Variants in PTPRT observed in about 807,000 individuals in gnomAD.
The protein encoded by PTPRT is receptor-type tyrosine-protein phosphatase T.
A neutral mutation model predicts 176.8 loss-of-function variants in PTPRT; 56 were observed. That is an observed-to-expected ratio of 0.32 (90% CI 0.26 to 0.40). The LOEUF (loss-of-function observed/expected upper bound fraction) is 0.40, where lower values mean the gene tolerates loss of function less well. Among genes scored for constraint, PTPRT ranks in the 10% least tolerant of loss-of-function variants. The probability of loss-of-function intolerance (pLI) is 1.00; values close to 1 mark genes in which losing one functional copy is unlikely to be tolerated. For missense variants in PTPRT, 1,540 were observed against 1,908.2 expected (o/e 0.81, Z 3.60); for synonymous variants, 783 against 739.0 (o/e 1.06, Z -0.96).
chr20:43,174,945 A>G (rs1460746913), intron 1 of PTPRT, among the ~76,000 whole-genome samples: 1 of 152,262 alleles, frequency 6.6e-6, no homozygotes. Flanking sequence ...TCAGAGGCCT[A>G]GAAGTTTAGT....
chr20:42,439,601 T>C (rs2059293914), intron 9 of PTPRT, among the ~76,000 whole-genome samples: 1 of 152,162 alleles, frequency 6.6e-6, no homozygotes, highest in African/African-American at 2.4e-5. Flanking sequence ...AGAGTGAAGA[T>C]AGGTTAAGCC....
At chr20:42,564,061 T>C (rs1382906837) in intron 7 of PTPRT, among the ~76,000 whole-genome samples, 4 of 152,170 alleles carry the variant, frequency 2.6e-5, no homozygotes, top group South Asian at 2.1e-4. Flanking sequence ...GTGGGGTGTT[T>C]ACAGGGCCAG....
At chr20:42,823,537 T>C (rs368088487) in intron 2 of PTPRT, among the ~76,000 whole-genome samples, 2 of 151,744 alleles carry the variant, frequency 1.3e-5, no homozygotes, top group African/African-American at 4.8e-5. Flanking sequence ...AATGTAAAAA[T>C]GAAATTAAAA....
At chr20:43,124,979 A>G (rs2013387443) in intron 1 of PTPRT, among the ~76,000 whole-genome samples, 1 of 151,774 alleles carries the variant, frequency 6.6e-6, no homozygotes, top group South Asian at 2.1e-4. Flanking sequence ...AAACTTAGAA[A>G]CTAAGTTAGA....
chr20:43,156,802 A>G (rs1210350813), intron 1 of PTPRT, among the ~76,000 whole-genome samples: 1 of 152,160 alleles, frequency 6.6e-6, no homozygotes, highest in Non-Finnish European at 1.5e-5. Flanking sequence ...AGTGTCTGAG[A>G]TCATTGAGAG....
intron 1 of PTPRT, among the ~76,000 whole-genome samples, chr20:43,059,852 G>A (rs371707028): frequency 5.9e-5 from 9 of 152,028 alleles, no homozygotes; most frequent in East Asian, 3.9e-4. Flanking sequence ...GGTGGTACAC[G>A]TCTATAATCC....
At chr20:43,023,475 A>G (rs964724789) in intron 1 of PTPRT, among the ~76,000 whole-genome samples, 1 of 152,210 alleles carries the variant, frequency 6.6e-6, no homozygotes, top group Non-Finnish European at 1.5e-5. Flanking sequence ...CCATGCTGCC[A>G]AGATTTCCTG....
At chr20:42,155,640 T>A (rs531849940) in intron 17 of PTPRT, among the ~76,000 whole-genome samples, 2 of 152,332 alleles carry the variant, frequency 1.3e-5, no homozygotes, top group South Asian at 4.1e-4. Context: ...CAATTCAAGA[T>A]AGTTCATACA....
chr20:43,189,712 C>T lies in PTPRT; in HGVS notation c.22G>A (p.Ala8Thr). Residue 8 changes from alanine to threonine, a missense_variant, in exon 1 of 31, where the codon GCC (alanine) becomes ACC (threonine). Transcript: ENST00000373187. The surrounding 1 kb of genome is among the most constrained non-coding windows in gnomAD (Gnocchi z 5.0). MASLAAL[A>T]LSLLLRLQLP... Reference sequence around the variant, plus strand: ...TGCAGCCTCAGGAGCAGGCTGAGGGCGAGCGCGGCGAGGCTCGCCATCCGG... The same window carrying T: ...TGCAGCCTCAGGAGCAGGCTGAGGGTGAGCGCGGCGAGGCTCGCCATCCGG... The T allele has an allele frequency of 7.9e-7, 1 of 1,269,354 alleles. No individual in the cohort carries two copies. The highest frequency in any genetic ancestry group is 2.6e-5 in the South Asian group (1 of 39,060). 78.6% of individuals were successfully genotyped at this position (1,269,354 alleles called of 1,614,324 possible).
chr20:42,264,677 C>A (rs187762746), intron 13 of PTPRT, among the ~76,000 whole-genome samples: 2 of 152,330 alleles, frequency 1.3e-5, no homozygotes, highest in Admixed American at 1.3e-4. Flanking sequence ...TCAGGGATGT[C>A]CACATCCTTT....
At chr20:42,113,248 C>T (rs117015554) in intron 22 of PTPRT, among the ~76,000 whole-genome samples, 524 of 152,300 alleles carry the variant, frequency 3.4e-3, no homozygotes, top group Middle Eastern at 6.8e-3. Flanking sequence ...AAATGTAACA[C>T]GAGAAAGGAC....
chr20:43,140,170 C>T (rs2013957939), intron 1 of PTPRT, among the ~76,000 whole-genome samples: 1 of 151,942 alleles, frequency 6.6e-6, no homozygotes, highest in Admixed American at 6.6e-5. Context: ...AACTGATAAA[C>T]CAGAAGACAA....
chr20:43,131,905 AG>A (rs1175458436), intron 1 of PTPRT, among the ~76,000 whole-genome samples: 1 of 152,206 alleles, frequency 6.6e-6, no homozygotes, highest in African/African-American at 2.4e-5. Flanking sequence ...TAAACTTAAT[AG>A]ATACCAAAAA....
intron 13 of PTPRT, among the ~76,000 whole-genome samples, chr20:42,269,753 C>T (rs768088264): frequency 5.3e-5 from 8 of 152,196 alleles, no homozygotes; most frequent in African/African-American, 9.7e-5. Flanking sequence ...CGGTCTACAA[C>T]GTAAATGGTG....
chr20:42,721,072 C>A (rs2076295217), intron 6 of PTPRT, among the ~76,000 whole-genome samples: 2 of 152,174 alleles, frequency 1.3e-5, no homozygotes, highest in Non-Finnish European at 2.9e-5. Context: ...ACACAGACAG[C>A]ACTCCTCCAA....
intron 7 of PTPRT, among the ~76,000 whole-genome samples, chr20:42,572,148 G>A (rs951034168): frequency 6.6e-6 from 1 of 152,084 alleles, no homozygotes; most frequent in Non-Finnish European, 1.5e-5. Context: ...AGAGGCCGGG[G>A]GCTCCCTCAA....
At chr20:43,000,700 A>G (rs1243477093) in intron 1 of PTPRT, among the ~76,000 whole-genome samples, 3 of 152,230 alleles carry the variant, frequency 2.0e-5, no homozygotes, top group South Asian at 4.1e-4. Flanking sequence ...AAAGCAACCC[A>G]GGAGACAATA....
At chr20:42,991,744 AC>A (rs900355254) in intron 1 of PTPRT, among the ~76,000 whole-genome samples, 27 of 152,352 alleles carry the variant, frequency 1.8e-4, no homozygotes, top group African/African-American at 6.0e-4. Flanking sequence ...ACCACAATAA[AC>A]AAATTAAATA....
At chr20:42,471,784 TAGCTGGGACTAC>T (rs1172216224) in intron 8 of PTPRT, among the ~76,000 whole-genome samples, 3 of 152,092 alleles carry the variant, frequency 2.0e-5, no homozygotes, top group African/African-American at 7.2e-5. Flanking sequence ...GCCTCCTGAG[TAGCTGGGACTAC>T]AGGCACACGC....
Sources: allele counts gnomAD v4.1 joint callset (sites outside exome capture counted in the v4.1 genomes callset), GRCh38; gene constraint gnomAD v4.1.1; non-coding constraint Gnocchi (gnomAD v3.1); transcripts MANE v1.5; gene names NCBI Gene and HGNC (gene_info 2026-07-23, HGNC 2026-07-21).